BICRA: variants seen among roughly 807,000 people sequenced by gnomAD.
The protein encoded by BICRA is BRD4 interacting chromatin remodeling complex associated protein.
BICRA carries 31 observed loss-of-function variants against 96.9 expected under a neutral mutation model. The observed-to-expected ratio is 0.32, with a 90% CI of 0.24 to 0.43. BICRA has a LOEUF of 0.43. Ranked by LOEUF, BICRA falls within the 20% of genes least tolerant of loss-of-function variation. The probability of loss-of-function intolerance (pLI) is 1.00; values close to 1 mark genes in which losing one functional copy is unlikely to be tolerated. For missense variants in BICRA, 2,283 were observed against 2,190.3 expected (o/e 1.04, Z -0.84); for synonymous variants, 1,350 against 1,071.8 (o/e 1.26, Z -5.07).
rs561433369 is a variant in BICRA at position 47,665,638 on chromosome 19, T to G, written c.-107-4805T>G. 3.0e-4 allele frequency among the ~76,000 whole-genome samples: 46 copies of G among 152,168 alleles called. No individual in the cohort carries two copies. In the East Asian group the frequency reaches 5.4e-3, roughly 18 times the overall value. ...GTGTGCAACACCATGTCTGGCTGGT[T>G]GTTTTGTTTTTTTTTAATCTTCATG... On this transcript the variant is annotated intron_variant, in intron 1 of 14. Transcript: ENST00000594866.
At chr19:47,634,756 A>ATTTTTTT (rs57492096) in intron 1 of BICRA, among the ~76,000 whole-genome samples, 1 of 120,294 alleles carries the variant, frequency 8.3e-6, no homozygotes, top group African/African-American at 3.4e-5. Context: ...TTAAAATTAA[A>ATTTTTTT]TTTTTTTTTT....
At chr19:47,638,241 G>A (rs540988250) in intron 1 of BICRA, among the ~76,000 whole-genome samples, 1 of 152,284 alleles carries the variant, frequency 6.6e-6, no homozygotes, top group East Asian at 1.9e-4. Flanking sequence ...CCCCCTCAGG[G>A]AGGCCTCAGC....
chr19:47,693,357 G>A (rs1348235781), intron 7 of BICRA, among the ~76,000 whole-genome samples: 1 of 152,226 alleles, frequency 6.6e-6, no homozygotes, highest in Non-Finnish European at 1.5e-5. Flanking sequence ...CTGGTACGTC[G>A]TGCACACGCA....
chr19:47,701,921 G>T lies in BICRA; in HGVS notation c.4189G>T (p.Gly1397Cys), dbSNP rs1973460171. The T allele has an allele frequency of 2.8e-6, 4 of 1,432,524 alleles. No homozygotes were observed. The highest frequency in any genetic ancestry group is 3.6e-6 in the Non-Finnish European group (4 of 1,102,334). 88.7% of individuals were successfully genotyped at this position (1,432,524 alleles called of 1,614,324 possible). ...LRKTYRENVG[G>C]PGAPEGTPAG... ...CAAGACCTACCGCGAGAACGTGGGG[G>T]GCCCTGGCGCGCCGGAGGGGACGCC... The change falls in exon 15 of 15, where the codon GGC becomes TGC. Residue 1397 changes from glycine to cysteine, a missense_variant. Transcript: ENST00000594866. The surrounding 1 kb of genome is among the most constrained non-coding windows in gnomAD (Gnocchi z 5.4).
rs150077974 is a variant in BICRA, at chr19:47,667,649, GCT to G, written c.-107-2791_-107-2790del. Among the ~76,000 whole-genome samples the G allele has an allele frequency of 1.6e-3, 247 of 152,240 alleles. 1 individual carries two copies. The highest frequency in any genetic ancestry group is 5.5e-3 in the African/African-American group (229 of 41,528). On this transcript the variant is annotated intron_variant, in intron 1 of 14. Transcript: ENST00000594866. ...AGGGTCTTGCGACATCTGCTTTCTAGCTCTTTCTGGGATCGGGACCTGAGAGG... is the reference window on the plus strand; with the variant it reads ...AGGGTCTTGCGACATCTGCTTTCTAGCTTTCTGGGATCGGGACCTGAGAGG...
At chr19:47,658,682 G>A (rs747460737) in intron 1 of BICRA, among the ~76,000 whole-genome samples, 4 of 149,732 alleles carry the variant, frequency 2.7e-5, no homozygotes, top group East Asian at 2.0e-4. Flanking sequence ...ACAGTGGTTC[G>A]CAGAGTGTGG....
chr19:47,638,153 C>T (rs114549814), intron 1 of BICRA, among the ~76,000 whole-genome samples: 1,602 of 152,226 alleles, frequency 0.011, 20 homozygotes, highest in African/African-American at 0.037. Context: ...CTCCCCCTCC[C>T]CCAGCCTCAG....
Position 47,701,553 on chromosome 19 carries a change from C to A in BICRA, c.3821C>A (p.Ser1274Tyr). The stretch of plus-strand genomic sequence containing the variant: ...TCCTCCCTGTCCTCCTCTTCCTCCT[C>A]CTCCTCTGCCGCCTCCTCCTTGGAC... ...ASSSLSSSSS[S>Y]SSAASSLDAD... Residue 1274 changes from serine (S) to tyrosine (Y), a missense_variant, in exon 15 of 15, where the codon TCC becomes TAC. Transcript: ENST00000594866. This position sits in a 1 kb window ranked among gnomAD's most constrained non-coding sequence, Gnocchi z 5.4. 1 of 1,550,996 alleles carries A rather than the reference C, an allele frequency of 6.4e-7. No individual in the cohort carries two copies. Among genetic ancestry groups the A allele is most frequent in the African/African-American group, 1.4e-5 (1 of 73,204 alleles).
chr19:47,656,401 A>G (rs1032319410), intron 1 of BICRA, among the ~76,000 whole-genome samples: 2 of 152,206 alleles, frequency 1.3e-5, no homozygotes, highest in African/African-American at 4.8e-5. Context: ...GGTGTCTTCG[A>G]ACAGAAACAC....
chr19:47,665,928 C>T (rs114695778), intron 1 of BICRA, among the ~76,000 whole-genome samples: 2,380 of 152,294 alleles, frequency 0.016, 54 homozygotes, highest in African/African-American at 0.055. Flanking sequence ...AAAGTGGGGC[C>T]GGGGACTTCT....
chr19:47,613,681 C>T (rs1292539119), intron 1 of BICRA, among the ~76,000 whole-genome samples: 1 of 152,020 alleles, frequency 6.6e-6, no homozygotes, highest in Non-Finnish European at 1.5e-5. Flanking sequence ...TGGTAGGATG[C>T]ACCTTATGCC....
At chr19:47,618,605 T>C (rs1972017562) in intron 1 of BICRA, among the ~76,000 whole-genome samples, 1 of 152,118 alleles carries the variant, frequency 6.6e-6, no homozygotes, top group Admixed American at 6.5e-5. Context: ...TCCCTTGCCA[T>C]GCCCACCCTG....
intron 1 of BICRA, among the ~76,000 whole-genome samples, chr19:47,648,132 G>C (rs1241666749): frequency 6.6e-6 from 1 of 151,900 alleles, no homozygotes; most frequent in East Asian, 2.0e-4. Flanking sequence ...CTGTCTCTCT[G>C]AACTGCTCGT....
chr19:47,614,985 C>CT lies in BICRA; in HGVS notation c.-108+5824dup, dbSNP rs59976978. Reference sequence around the variant, plus strand: ...GCACCTTTGATGTTGCACGTTGCATCTTTTTTTATTTTTTTGAGACAGAAT... The same window carrying CT: ...GCACCTTTGATGTTGCACGTTGCATCTTTTTTTTATTTTTTTGAGACAGAAT... On this transcript the variant is annotated intron_variant, in intron 1 of 14. Transcript: ENST00000594866. Among the ~76,000 whole-genome samples, 1,079 of 152,214 alleles carry CT rather than the reference C, an allele frequency of 7.1e-3. 22 individuals are homozygous for CT. The highest frequency in any genetic ancestry group is 0.024 in the African/African-American group (1,006 of 41,534).
chr19:47,620,681 A>AC (rs1555784143), intron 1 of BICRA, among the ~76,000 whole-genome samples: 2 of 150,746 alleles, frequency 1.3e-5, no homozygotes, highest in African/African-American at 4.9e-5. Context: ...AAAAAAAAAA[A>AC]AAAAAAAACA....
intron 1 of BICRA, among the ~76,000 whole-genome samples, chr19:47,656,824 T>A (rs1972625649): frequency 6.6e-6 from 1 of 152,106 alleles, no homozygotes; most frequent in East Asian, 1.9e-4. Flanking sequence ...CGTCTGATAT[T>A]TTTCCCCCAC....
intron 7 of BICRA, among the ~76,000 whole-genome samples, chr19:47,688,106 C>G (rs752837828): frequency 1.3e-5 from 2 of 151,880 alleles, no homozygotes; most frequent in East Asian, 3.9e-4. Flanking sequence ...AGCATCTTGC[C>G]GCCTCCACGT....
In BICRA at chr19:47,681,289, G is replaced by T. The variant is rs528421602; in HGVS notation, c.2106+13G>T. ...GTTCCTGCCCCAGGTAAGCAGGGCG[G>T]GGCAAGGGAGCAGGTACCGGAGGAG... On this transcript the variant is annotated intron_variant, in intron 6 of 14. Transcript: ENST00000594866. The T allele has an allele frequency of 3.7e-4, 564 of 1,542,990 alleles. 2 individuals are homozygous for T. The African/African-American group carries it at 6.6e-3, about 18-fold the overall frequency.
At chr19:47,614,213 T>A (rs1003040381) in intron 1 of BICRA, among the ~76,000 whole-genome samples, 13 of 152,162 alleles carry the variant, frequency 8.5e-5, no homozygotes, top group African/African-American at 2.4e-4. Context: ...AGATGGTGTC[T>A]CTCCCTCTAA....
Sources: allele counts gnomAD v4.1 joint callset (sites outside exome capture counted in the v4.1 genomes callset), GRCh38; gene constraint gnomAD v4.1.1; non-coding constraint Gnocchi (gnomAD v3.1); transcripts MANE v1.5; gene names NCBI Gene and HGNC (gene_info 2026-07-23, HGNC 2026-07-21).